CD80: variants seen among roughly 807,000 people sequenced by gnomAD.
CD80 encodes CD80 molecule.
A neutral mutation model predicts 27.1 loss-of-function variants in CD80; 13 were observed. The observed-to-expected ratio is 0.48, with a 90% CI of 0.31 to 0.76. CD80 has a LOEUF of 0.76. Among genes scored for constraint, CD80 ranks in the 30% least tolerant of loss-of-function variants. The probability of loss-of-function intolerance (pLI) is 0.04; values close to 1 mark genes in which losing one functional copy is unlikely to be tolerated. For synonymous variants in CD80, 125 were observed against 125.5 expected (o/e 1.00, Z 0.03); for missense variants, 277 against 347.9 (o/e 0.80, Z 1.62).
chr3:119,547,177 A>G lies in CD80; in HGVS notation c.101-2310T>C, dbSNP rs546965900. On this transcript the variant is annotated intron_variant, in intron 2 of 6. Transcript: ENST00000264246. The stretch of plus-strand genomic sequence containing the variant: ...AAAGAACATGGGCTTTTTTCATTCA[A>G]TAAAATCCACAGTAGTTGTGTGACC... Among the ~76,000 whole-genome samples, 3 of 152,318 alleles carry G rather than the reference A, an allele frequency of 2.0e-5. No individual in the cohort carries two copies. In the South Asian group the frequency reaches 6.2e-4, roughly 32 times the overall value.
intron 3 of CD80, among the ~76,000 whole-genome samples, chr3:119,542,065 C>G (rs1411413808): frequency 1.0e-5 from 1 of 95,904 alleles, no homozygotes; most frequent in African/African-American, 4.2e-5. Flanking sequence ...CCACCCCCCA[C>G]CCCCCACCCC....
rs192059980 is a variant in CD80, at chr3:119,555,015, A to T, written c.100+2614T>A. On this transcript the variant is annotated intron_variant, in intron 2 of 6. Transcript: ENST00000264246. The stretch of plus-strand genomic sequence containing the variant: ...TGAAACTCAAAGTGTATGGTGGAGC[A>T]GCATCAGCATCACCTAGGTGCTTCT... 8.5e-5 allele frequency among the ~76,000 whole-genome samples: 13 copies of T among 152,342 alleles called. 1 individual carries two copies. The East Asian group carries it at 2.5e-3, about 29-fold the overall frequency.
chr3:119,543,942 G>T (rs1302254937), intron 3 of CD80, among the ~76,000 whole-genome samples: 1 of 143,498 alleles, frequency 7.0e-6, no homozygotes, highest in Non-Finnish European at 1.5e-5. Flanking sequence ...AGGCTGGAGT[G>T]CAGTGGTGCA....
At chr3:119,555,827 T>C (rs1560059660) in intron 2 of CD80, among the ~76,000 whole-genome samples, 1 of 152,218 alleles carries the variant, frequency 6.6e-6, no homozygotes, top group Non-Finnish European at 1.5e-5. Context: ...CTCATGTTTG[T>C]TGAATTAATA....
At chr3:119,543,703 G>C (rs951743058) in intron 3 of CD80, among the ~76,000 whole-genome samples, 1 of 152,066 alleles carries the variant, frequency 6.6e-6, no homozygotes, top group African/African-American at 2.4e-5. Flanking sequence ...GCCTCCCAAA[G>C]TGCTGAGCCA....
chr3:119,531,482 C>T (rs2082111075), intron 4 of CD80, among the ~76,000 whole-genome samples: 1 of 152,130 alleles, frequency 6.6e-6, no homozygotes, highest in Admixed American at 6.6e-5. Flanking sequence ...TAGATCTCTT[C>T]ATTGTGAATT....
At chr3:119,543,826 A>G (rs1164791996) in intron 3 of CD80, among the ~76,000 whole-genome samples, 3 of 152,082 alleles carry the variant, frequency 2.0e-5, no homozygotes, top group Non-Finnish European at 4.4e-5. Flanking sequence ...ATATAATAGT[A>G]AGATAGCCAT....
chr3:119,548,024 C>T (rs574302069), intron 2 of CD80, among the ~76,000 whole-genome samples: 1 of 151,832 alleles, frequency 6.6e-6, no homozygotes, highest in Admixed American at 6.6e-5. Flanking sequence ...TTCTTTTGCC[C>T]AGGCTGGAGT....
At chr3:119,537,011 GTTCA>G in intron 4 of CD80, 122 bp downstream of exon 4, 1 of 886,312 alleles carries the variant, frequency 1.1e-6, no homozygotes, top group Non-Finnish European at 1.8e-6. Context: ...ACACTCTGAT[GTTCA>G]GACAATGACA....
intron 6 of CD80, chr3:119,527,387 T>C (rs1413204231): frequency 5.4e-6 from 1 of 184,680 alleles, no homozygotes; most frequent in African/African-American, 2.3e-5. Context: ...CCCCAACCCA[T>C]GTCCATCAAT....
intron 2 of CD80, among the ~76,000 whole-genome samples, chr3:119,547,838 A>T (rs1443214784): frequency 2.0e-5 from 3 of 152,088 alleles, no homozygotes; most frequent in Admixed American, 2.0e-4. Flanking sequence ...CCACCTATAC[A>T]TACCACTGTG....
intron 2 of CD80, among the ~76,000 whole-genome samples, chr3:119,557,061 G>T (rs2082268293): frequency 6.6e-6 from 1 of 152,176 alleles, no homozygotes; most frequent in Non-Finnish European, 1.5e-5. Flanking sequence ...CTTAAAGTCA[G>T]ATGCCAATGT....
intron 4 of CD80, among the ~76,000 whole-genome samples, chr3:119,535,008 G>A (rs1007491636): frequency 5.3e-5 from 8 of 151,904 alleles, no homozygotes; most frequent in Non-Finnish European, 7.4e-5. Flanking sequence ...CCTGACCAAC[G>A]TGGTGAAACT....
chr3:119,550,787 TCC>T (rs2082227043), intron 2 of CD80, among the ~76,000 whole-genome samples: 1 of 152,094 alleles, frequency 6.6e-6, no homozygotes, highest in African/African-American at 2.4e-5. Context: ...CTCATAAAAG[TCC>T]TCCACAGTAC....
chr3:119,551,834 C>T (rs76659313), intron 2 of CD80, among the ~76,000 whole-genome samples: 3,779 of 152,304 alleles, frequency 0.025, 164 homozygotes, highest in African/African-American at 0.084. Flanking sequence ...ACCACACCCC[C>T]ATAGGACCAG....
intron 6 of CD80, among the ~76,000 whole-genome samples, chr3:119,526,281 G>A (rs2082065841): frequency 6.6e-6 from 1 of 152,168 alleles, no homozygotes; most frequent in African/African-American, 2.4e-5. Context: ...AACTGCTTGA[G>A]CTAGACAAGA....
At chr3:119,555,988 A>G (rs2082262530) in intron 2 of CD80, among the ~76,000 whole-genome samples, 1 of 151,966 alleles carries the variant, frequency 6.6e-6, no homozygotes, top group Admixed American at 6.5e-5. Flanking sequence ...TCTGTTACCC[A>G]CTTTCCCAGA....
At chr3:119,552,000 G>A (rs891942261) in intron 2 of CD80, among the ~76,000 whole-genome samples, 1 of 152,180 alleles carries the variant, frequency 6.6e-6, no homozygotes, top group East Asian at 1.9e-4. Context: ...AACGCTGCTC[G>A]CCTTCTGGCG....
Position 119,557,652 on chromosome 3 carries a change from G to A in CD80, c.77C>T (p.Ala26Val). 6.2e-7 allele frequency: 1 copy of A among 1,613,596 alleles called. No individual in the cohort carries two copies. The highest frequency in any genetic ancestry group is 2.2e-5 in the East Asian group (1 of 44,842). ...ACCTGAACAGAAGTGAGAAAGACCA[G>A]CCAGCACCAAGAGCTGAAAGAAATT... ...YLNFFQLLVL[A>V]GLSHFCSGVI... is the part of the protein sequence containing the mutation. The change falls in exon 2 of 7, where the codon GCT (alanine) becomes GTT (valine). Residue 26 changes from alanine to valine, a missense_variant. Physicochemically the swap from Ala to Val is moderately conservative, Grantham distance 64. Coordinates refer to ENST00000264246, the MANE Select transcript of CD80 (RefSeq NM_005191.4).
Sources: allele counts gnomAD v4.1 joint callset (sites outside exome capture counted in the v4.1 genomes callset), GRCh38; gene constraint gnomAD v4.1.1; transcripts MANE v1.5; gene names NCBI Gene and HGNC (gene_info 2026-07-23, HGNC 2026-07-21).